MATN2: variants seen among roughly 807,000 people sequenced by gnomAD.
MATN2 encodes the protein matrilin 2, also known as matrilin-2.
MATN2 carries 69 observed loss-of-function variants against 103.2 expected under a neutral mutation model. The observed-to-expected ratio is 0.67, with a 90% CI of 0.55 to 0.82. MATN2 has a LOEUF of 0.82. Among genes scored for constraint, MATN2 ranks in the 40% least tolerant of loss-of-function variants. The pLI is 0.00. For synonymous variants in MATN2, 429 were observed against 450.2 expected (o/e 0.95, Z 0.60); for missense variants, 1,023 against 1,211.5 (o/e 0.84, Z 2.31).
intron 6 of MATN2, among the ~76,000 whole-genome samples, chr8:97,980,232 A>G (rs1047430441): frequency 6.6e-6 from 1 of 152,242 alleles, no homozygotes; most frequent in African/African-American, 2.4e-5. Context: ...TGGCATATAC[A>G]GTGGTTTATT....
intron 1 of MATN2, among the ~76,000 whole-genome samples, chr8:97,877,177 A>T (rs1020033266): frequency 4.0e-5 from 6 of 151,152 alleles, no homozygotes; most frequent in Non-Finnish European, 7.4e-5. Flanking sequence ...CAGCTAATTT[A>T]AAAAAAATTT....
At chr8:97,918,511 T>C (rs148167002) in intron 2 of MATN2, among the ~76,000 whole-genome samples, 2 of 152,218 alleles carry the variant, frequency 1.3e-5, no homozygotes, top group African/African-American at 4.8e-5. Flanking sequence ...AAGTTACTCA[T>C]TGGGCTTACT....
At chr8:98,032,183 C>G in intron 15 of MATN2, 63 bp from the exon 16 acceptor site, 23 of 1,379,168 alleles carry the variant, frequency 1.7e-5, no homozygotes, top group Non-Finnish European at 2.3e-5. Context: ...GACCAGCTTC[C>G]TGAAGAACAC....
At chr8:98,022,278 C>G (rs1367005199) in intron 13 of MATN2, among the ~76,000 whole-genome samples, 1 of 152,072 alleles carries the variant, frequency 6.6e-6, no homozygotes, top group African/African-American at 2.4e-5. Context: ...GTAAAACACT[C>G]TAACATACAG....
At chr8:98,028,425 G>GGGTTAC (rs1813890668) in intron 14 of MATN2, among the ~76,000 whole-genome samples, 1 of 152,078 alleles carries the variant, frequency 6.6e-6, no homozygotes, top group Non-Finnish European at 1.5e-5. Flanking sequence ...CCTGACCTGA[G>GGGTTAC]GGTTACTTCA....
intron 2 of MATN2, among the ~76,000 whole-genome samples, chr8:97,922,611 A>T (rs1035658860): frequency 6.6e-6 from 1 of 152,206 alleles, no homozygotes; most frequent in Non-Finnish European, 1.5e-5. Flanking sequence ...TCAAAGTGCC[A>T]TGTTGAAAGG....
chr8:97,943,798 A>G (rs1810653938), intron 4 of MATN2, among the ~76,000 whole-genome samples: 1 of 152,158 alleles, frequency 6.6e-6, no homozygotes, highest in Admixed American at 6.5e-5. Context: ...TCCTTGTCTC[A>G]TGTCCCACTG....
chr8:97,918,878 C>A (rs972132992), intron 2 of MATN2, among the ~76,000 whole-genome samples: 10 of 152,228 alleles, frequency 6.6e-5, no homozygotes, highest in African/African-American at 2.4e-4. Flanking sequence ...TGTCACTTAA[C>A]CTCCCTGAGC....
chr8:97,943,566 C>T (rs560854835), intron 4 of MATN2, among the ~76,000 whole-genome samples: 46 of 152,104 alleles, frequency 3.0e-4, no homozygotes, highest in African/African-American at 7.5e-4. Flanking sequence ...CTCAACCTTC[C>T]GGGTTCAAGC....
chr8:97,994,482 A>T lies in MATN2; in HGVS notation c.1084A>T (p.Ile362Leu). ...LNPDKKTCTKIDYCASSNHGC... is the reference protein window; with the variant it reads ...LNPDKKTCTKLDYCASSNHGC... ...TTGTGATTTTTCCTTCTTGCCAGAG[A>T]TAGACTACTGTGCCTCATCTAATCA... The change falls in exon 7 of 19, where the codon ATA becomes TTA. Residue 362 changes from isoleucine (I) to leucine (L), a missense_variant and splice_region_variant. Coordinates refer to ENST00000254898, the MANE Select transcript of MATN2 (RefSeq NM_002380.5). 1.2e-6 allele frequency: 2 copies of T among 1,605,294 alleles called. No homozygotes were observed. Among genetic ancestry groups the T allele is most frequent in the Non-Finnish European group, 1.7e-6 (2 of 1,177,330 alleles).
chr8:97,998,188 G>T (rs1299172381), intron 7 of MATN2, among the ~76,000 whole-genome samples: 1 of 150,326 alleles, frequency 6.7e-6, no homozygotes, highest in Non-Finnish European at 1.5e-5. Flanking sequence ...AATCTAAATG[G>T]TTTTCAGTTG....
At chr8:97,909,298 A>G (rs982032446) in intron 2 of MATN2, among the ~76,000 whole-genome samples, 10 of 152,234 alleles carry the variant, frequency 6.6e-5, no homozygotes, top group African/African-American at 2.4e-4. Context: ...CATATGAGTC[A>G]GTCTGCTCTC....
intron 7 of MATN2, among the ~76,000 whole-genome samples, chr8:97,998,989 A>G (rs1291341686): frequency 6.6e-6 from 1 of 152,200 alleles, no homozygotes; most frequent in Admixed American, 6.5e-5. Flanking sequence ...CCCATTAAAC[A>G]ATAATTCCCC....
intron 17 of MATN2, 33 bp downstream of exon 17, chr8:98,033,209 C>A: frequency 6.4e-6 from 10 of 1,558,022 alleles, no homozygotes; most frequent in Non-Finnish European, 8.7e-6. Flanking sequence ...TATAAGATAA[C>A]TTGATCTCAG....
intron 4 of MATN2, among the ~76,000 whole-genome samples, chr8:97,945,248 C>T (rs1315286951): frequency 1.3e-5 from 2 of 152,288 alleles, no homozygotes; most frequent in African/African-American, 2.4e-5. Context: ...AGGAGCTTTC[C>T]TGAGTGTTTT....
intron 13 of MATN2, among the ~76,000 whole-genome samples, chr8:98,026,474 T>C (rs760570283): frequency 4.6e-5 from 7 of 152,114 alleles, no homozygotes; most frequent in Non-Finnish European, 1.0e-4. Flanking sequence ...CAGGGTGTTC[T>C]TGAACTCCTG....
chr8:97,925,266 C>T lies in MATN2; in HGVS notation c.143-5687C>T, dbSNP rs538657761. On this transcript the variant is annotated intron_variant, in intron 2 of 18. Coordinates refer to ENST00000254898, the MANE Select transcript of MATN2 (RefSeq NM_002380.5). ...ACGGCCGCTGGGATTGGCCAAGACTCAGCTATTGTTACAGGTGCATACTCC... is the reference window on the plus strand; with the variant it reads ...ACGGCCGCTGGGATTGGCCAAGACTTAGCTATTGTTACAGGTGCATACTCC... 2.6e-5 allele frequency among the ~76,000 whole-genome samples: 4 copies of T among 152,300 alleles called. No homozygotes were observed. The South Asian group carries it at 8.3e-4, about 32-fold the overall frequency.
chr8:97,991,783 C>T (rs1812398854), intron 6 of MATN2, among the ~76,000 whole-genome samples: 1 of 151,994 alleles, frequency 6.6e-6, no homozygotes, highest in African/African-American at 2.4e-5. Flanking sequence ...AGGCTGGTCT[C>T]AAATTTCTGG....
Position 98,003,708 on chromosome 8 carries a change from G to A in MATN2, c.1252G>A (p.Val418Ile), listed in dbSNP as rs78489540. ...LNKPGCEHEC[V>I]NMEESYYCRC... is the part of the protein sequence containing the mutation. The stretch of plus-strand genomic sequence containing the variant: ...CAAACCGGGCTGTGAGCATGAGTGC[G>A]TCAACATGGAGGAGAGCTACTACTG... The change falls in exon 8 of 19, where the codon GTC becomes ATC. Residue 418 changes from valine to isoleucine, a missense_variant. Transcript: ENST00000254898. 7.1e-5 allele frequency: 114 copies of A among 1,613,870 alleles called. No homozygotes were observed. In the African/African-American group the frequency reaches 7.3e-4, roughly 10 times the overall value.
Sources: allele counts gnomAD v4.1 joint callset (sites outside exome capture counted in the v4.1 genomes callset), GRCh38; gene constraint gnomAD v4.1.1; transcripts MANE v1.5; gene names NCBI Gene and HGNC (gene_info 2026-07-23, HGNC 2026-07-21).